The following TMEM33 variants were observed in gnomAD, a reference collection of about 807,000 sequenced individuals.
The protein encoded by TMEM33 is transmembrane protein 33.
A neutral mutation model predicts 29.7 loss-of-function variants in TMEM33; 16 were observed. That is an observed-to-expected ratio of 0.54 (90% CI 0.36 to 0.82). The LOEUF (loss-of-function observed/expected upper bound fraction) is 0.82, where lower values mean the gene tolerates loss of function less well. TMEM33 is among the 40% of genes least tolerant of loss of function. The pLI is 0.00. For synonymous variants in TMEM33, 112 were observed against 109.4 expected, an observed-to-expected ratio of 1.02 and a Z score of -0.15; for missense variants, 252 against 295.3, an observed-to-expected ratio of 0.85 and a Z score of 1.08.
chr4:41,960,770 A>G lies in TMEM33; in HGVS notation c.*6571A>G, dbSNP rs1352806463. 6.6e-6 allele frequency among the ~76,000 whole-genome samples: 1 copy of G among 152,156 alleles called. No individual in the cohort carries two copies. Among genetic ancestry groups the G allele is most frequent in the Non-Finnish European group, 1.5e-5 (1 of 68,004 alleles). ...TGTGATCTAAGGTGTAACTGGAAAA[A>G]AAAAGGAAAGAAAAATTACATTGAT... On this transcript the variant is annotated 3_prime_UTR_variant, in exon 7 of 7. Transcript: ENST00000504986.
intron 6 of TMEM33, 48 bp downstream of exon 6, chr4:41,949,433 TG>T (rs1712941272): frequency 7.1e-7 from 1 of 1,408,716 alleles, no homozygotes; most frequent in African/African-American, 1.4e-5. Flanking sequence ...GAGAGTATTG[TG>T]AATATATAGT....
At chr4:41,939,571 AT>A in intron 3 of TMEM33, 188 bp downstream of exon 3, 1 of 641,476 alleles carries the variant, frequency 1.6e-6, no homozygotes, top group Non-Finnish European at 2.7e-6. Context: ...TGAAGAGCTG[AT>A]TTAGGAATTT....
chr4:41,953,870 A>G lies in TMEM33; in HGVS notation c.615-200A>G, dbSNP rs913562307. 7.9e-6 allele frequency: 5 copies of G among 632,018 alleles called. No individual in the cohort carries two copies. In the African/African-American group the frequency reaches 9.0e-5, roughly 11 times the overall value. The allele number at this position is 632,018 out of a possible 1,614,324, so 39.2% of individuals were successfully genotyped here. ...TAATGAAAACATTTGAAATAGTGGA[A>G]GAATTGGCAAAGTGTGACGCAGAGA... On this transcript the variant is annotated intron_variant, in intron 6 of 6. Coordinates refer to ENST00000504986, the MANE Select transcript of TMEM33 (RefSeq NM_018126.3).
chr4:41,950,238 C>T (rs1560519019), intron 6 of TMEM33, among the ~76,000 whole-genome samples: 1 of 152,014 alleles, frequency 6.6e-6, no homozygotes, highest in Non-Finnish European at 1.5e-5. Context: ...GCATTCTGAT[C>T]TCAAGCATTG....
chr4:41,935,422 G>T, upstream of TMEM33: 1 of 1,545,676 alleles, frequency 6.5e-7, no homozygotes, highest in Non-Finnish European at 8.8e-7. Context: ...CAGCGCTGAC[G>T]TTTTCTCTCC....
chr4:41,938,578 C>T, intron 1 of TMEM33, 24 bp from the exon 2 acceptor site: 1 of 1,601,218 alleles, frequency 6.2e-7, no homozygotes, highest in Non-Finnish European at 8.5e-7. Flanking sequence ...GCATAGCTTA[C>T]AGTATTTTTC....
At chr4:41,948,148 T>C (rs1712875899) in intron 5 of TMEM33, among the ~76,000 whole-genome samples, 1 of 152,150 alleles carries the variant, frequency 6.6e-6, no homozygotes, top group Non-Finnish European at 1.5e-5. Flanking sequence ...TCTCAGTTTT[T>C]TGGGAATGAT....
At chr4:41,940,249 A>G (rs192045734) in intron 3 of TMEM33, among the ~76,000 whole-genome samples, 53 of 151,924 alleles carry the variant, frequency 3.5e-4, no homozygotes, top group African/African-American at 1.2e-3. Flanking sequence ...AGGGTTTTTT[A>G]AACTTAAATT....
intron 6 of TMEM33, among the ~76,000 whole-genome samples, chr4:41,953,552 T>G (rs1713134379): frequency 6.6e-6 from 1 of 152,224 alleles, no homozygotes; most frequent in South Asian, 2.1e-4. Flanking sequence ...TAGCCATGCT[T>G]TTTTCACTAA....
chr4:41,935,170 G>A, upstream of TMEM33: 1 of 481,694 alleles, frequency 2.1e-6, no homozygotes, highest in Non-Finnish European at 3.7e-6. Context: ...GGAGCCGGCG[G>A]CGTAGGTTGG....
rs1002782848 is a variant in TMEM33, at chr4:41,956,172, T to A, written c.*1973T>A. ...AGCTGTATTGTAAAAATACAAAATT[T>A]TAGTATTTTTAGTAGAGACAGGGTT... On this transcript the variant is annotated 3_prime_UTR_variant, in exon 7 of 7. Transcript: ENST00000504986. 1 of 152,022 alleles carries A rather than the reference T, an allele frequency of 6.6e-6. No individual in the cohort carries two copies. The highest frequency in any genetic ancestry group is 6.6e-5 in the Admixed American group (1 of 15,262). 9.4% of individuals were successfully genotyped at this position (152,022 alleles called of 1,614,324 possible).
In TMEM33 at chr4:41,953,475, C is replaced by T. The variant is rs147919558; in HGVS notation, c.615-595C>T. On this transcript the variant is annotated intron_variant, in intron 6 of 6. Transcript: ENST00000504986. ...ATGGGCTTTTAATTTTCTTCAGGAA[C>T]TTTTCCTTTGCATTCACAGCTTGGC... Among the ~76,000 whole-genome samples the T allele has an allele frequency of 4.2e-3, 647 of 152,354 alleles. 6 individuals are homozygous for T. Among genetic ancestry groups the T allele is most frequent in the African/African-American group, 0.015 (604 of 41,584 alleles).
chr4:41,945,439 A>T (rs960677411), intron 5 of TMEM33, among the ~76,000 whole-genome samples: 6 of 152,216 alleles, frequency 3.9e-5, no homozygotes, highest in Admixed American at 1.3e-4. Context: ...TGCTACCCAG[A>T]TGATTGCTTT....
At chr4:41,937,810 A>G (rs185778985) in intron 1 of TMEM33, among the ~76,000 whole-genome samples, 5 of 152,196 alleles carry the variant, frequency 3.3e-5, no homozygotes, top group Admixed American at 2.6e-4. Flanking sequence ...GGTAATAGAC[A>G]TAAGTATTGG....
Position 41,956,158 on chromosome 4 carries a change from A to T in TMEM33, c.*1959A>T, listed in dbSNP as rs907121407. 3 of 151,960 alleles carry T rather than the reference A, an allele frequency of 2.0e-5. No individual in the cohort carries two copies. The highest frequency in any genetic ancestry group is 2.9e-5 in the Non-Finnish European group (2 of 67,988). 9.4% of individuals were successfully genotyped at this position (151,960 alleles called of 1,614,324 possible). The stretch of plus-strand genomic sequence containing the variant: ...ACGCCTGTAGTCCCAGCTGTATTGT[A>T]AAAATACAAAATTTTAGTATTTTTA... On this transcript the variant is annotated 3_prime_UTR_variant, in exon 7 of 7. Coordinates refer to ENST00000504986, the MANE Select transcript of TMEM33 (RefSeq NM_018126.3).
chr4:41,953,755 T>G, intron 6 of TMEM33: 1 of 463,290 alleles, frequency 2.2e-6, no homozygotes, highest in South Asian at 1.5e-5. Flanking sequence ...CTTATATTTG[T>G]GCAGTTTGTG....
rs756089426 is a variant in TMEM33, at chr4:41,954,090, G to A, written c.635G>A (p.Arg212Lys). The change falls in exon 7 of 7, where the codon AGG becomes AAG. Residue 212 changes from arginine to lysine, a missense_variant. Physicochemically the swap from Arg to Lys is conservative, Grantham distance 26 (BLOSUM62 2). Transcript: ENST00000504986. ...TGCAGGACCTTATTTAATGAACTGA[G>A]GATTGTTGTTGAACACATAATAATG... ...PYCRTLFNELRIVVEHIIMKP... is the reference protein window; with the variant it reads ...PYCRTLFNELKIVVEHIIMKP... 1.2e-5 allele frequency: 19 copies of A among 1,613,824 alleles called. No individual in the cohort carries two copies. Among genetic ancestry groups the A allele is most frequent in the Non-Finnish European group, 1.5e-5 (18 of 1,179,812 alleles).
chr4:41,952,669 T>C (rs1032217431), intron 6 of TMEM33, among the ~76,000 whole-genome samples: 14 of 151,986 alleles, frequency 9.2e-5, no homozygotes, highest in African/African-American at 3.4e-4. Flanking sequence ...GGGCAGAAAA[T>C]TAGATTGAGA....
In TMEM33 at chr4:41,955,701, A is replaced by G. The variant is rs779771336; in HGVS notation, c.*1502A>G. The stretch of plus-strand genomic sequence containing the variant: ...CACTAAGCTGGAGAAGCAGCCTCAT[A>G]CAGTTGATTTTGTGTATGTGGCTAG... On this transcript the variant is annotated 3_prime_UTR_variant, in exon 7 of 7. Coordinates refer to ENST00000504986, the MANE Select transcript of TMEM33 (RefSeq NM_018126.3). 6.6e-6 allele frequency: 1 copy of G among 152,618 alleles called. No individual in the cohort carries two copies. Among genetic ancestry groups the G allele is most frequent in the Non-Finnish European group, 1.5e-5 (1 of 68,032 alleles). 9.5% of individuals were successfully genotyped at this position (152,618 alleles called of 1,614,324 possible). A position where few individuals can be genotyped will look rare whatever the true frequency, so the allele number is the denominator to read the frequency against.
Sources: gnomAD v4.1 joint callset for allele counts (sites outside exome capture counted in the v4.1 genomes callset) on GRCh38, gnomAD v4.1.1 for gene constraint, MANE v1.5 for transcripts, NCBI Gene and HGNC (gene_info 2026-07-23, HGNC 2026-07-21) for gene names.